The following JAK1 variants were observed in gnomAD, a reference collection of about 807,000 sequenced individuals.
The protein encoded by JAK1 is tyrosine-protein kinase JAK1.
Under a neutral mutation model 136.6 loss-of-function variants are expected in JAK1, and 16 were observed. The observed-to-expected ratio is 0.12, with a 90% confidence interval of 0.08 to 0.18. The LOEUF (loss-of-function observed/expected upper bound fraction) is 0.18. Ranked by LOEUF, JAK1 falls within the 10% of genes least tolerant of loss-of-function variation. JAK1 has a pLI of 1.00. For missense variants in JAK1, 859 were observed against 1,450.1 expected (o/e 0.59, Z 6.62); for synonymous variants, 492 against 519.5 (o/e 0.95, Z 0.72).
At chr1:64,966,596 C>G (rs945333302), upstream of JAK1, 1 of 148,436 alleles carries the variant, frequency 6.7e-6, no homozygotes, top group Non-Finnish European at 1.5e-5. Context: ...GGCCCCACCC[C>G]CGTGGCCGCC....
At chr1:64,934,215 G>A (rs1019543296) in intron 1 of JAK1, among the ~76,000 whole-genome samples, 3 of 152,232 alleles carry the variant, frequency 2.0e-5, no homozygotes, top group African/African-American at 7.2e-5. Context: ...AATCCCAGGA[G>A]ACATCTCTCA....
At chr1:64,953,206 T>A (rs1477196347) in intron 1 of JAK1, among the ~76,000 whole-genome samples, 1 of 152,224 alleles carries the variant, frequency 6.6e-6, no homozygotes. Flanking sequence ...GTATTTGGGG[T>A]AGCAGTGGGT....
chr1:65,019,178 T>C (rs759769947), intron 2 of JAK1, among the ~76,000 whole-genome samples: 2 of 152,122 alleles, frequency 1.3e-5, no homozygotes, highest in Non-Finnish European at 2.9e-5. Context: ...AGTATTTTAA[T>C]ATTACATAAA....
At position 64,842,891 on chromosome 1, in the gene JAK1, T is replaced by A. The variant is rs1325585177; in HGVS notation, c.2403+1173A>T. 7.2e-5 allele frequency among the ~76,000 whole-genome samples: 11 copies of A among 152,120 alleles called. No individual in the cohort carries two copies. The East Asian group carries it at 1.9e-3, about 27-fold the overall frequency. ...ATCATTAACTGGCAAGTCATAAAGG[T>A]TCTACCTCTTCAATATCTCCCACCC... On this transcript the variant is annotated intron_variant, in intron 17 of 24. Coordinates refer to ENST00000342505, the MANE Select transcript of JAK1 (RefSeq NM_002227.4).
intron 1 of JAK1, among the ~76,000 whole-genome samples, chr1:64,915,591 G>A (rs12058455): frequency 2.6e-4 from 40 of 152,192 alleles, no homozygotes; most frequent in African/African-American, 8.9e-4. Context: ...TAATGGAAAC[G>A]TTTTGTATCT....
At chr1:64,949,431 T>C in intron 1 of JAK1, among the ~76,000 whole-genome samples, 1 of 152,178 alleles carries the variant, frequency 6.6e-6, no homozygotes. Flanking sequence ...TGACATAAAG[T>C]TTGTTTCCTT....
At position 64,959,958 on chromosome 1, in the gene JAK1, G is replaced by T. The variant is rs1646252868; in HGVS notation, c.-78+6375C>A. Among the ~76,000 whole-genome samples the T allele has an allele frequency of 1.3e-5, 2 of 152,146 alleles. 1 individual carries two copies. The highest frequency in any genetic ancestry group is 4.1e-4 in the South Asian group (2 of 4,826). ...TAAAATAAAATAAGCCAGGCATGGT[G>T]GTTCATGCCTATTATCCCAAAACTT... On this transcript the variant is annotated intron_variant, in intron 1 of 24. Transcript: ENST00000342505.
At position 64,847,655 on chromosome 1, in the gene JAK1, G is replaced by A. The variant is rs751142830; in HGVS notation, c.1776C>T (p.Gly592=). ...DLVQGEHLGR[G]TRTHIYSGTL... ...TCCCAGAATAGATGTGTGTTCTCGT[G>A]CCTCTCCCAAGGTGCTCGCCCTGAG... The change falls in exon 13 of 25, where the codon GGC becomes GGT. Residue 592 remains glycine (G), a synonymous_variant. Transcript: ENST00000342505. 6.2e-7 allele frequency: 1 copy of A among 1,614,098 alleles called. No individual in the cohort carries two copies. The highest frequency in any genetic ancestry group is 8.5e-7 in the Non-Finnish European group (1 of 1,179,986).
intron 17 of JAK1, among the ~76,000 whole-genome samples, chr1:64,843,693 C>T (rs2780894): frequency 0.15 from 22,448 of 151,984 alleles, 2,316 homozygotes; most frequent in African/African-American, 0.28. Flanking sequence ...AGCTTGATGC[C>T]TGATACACAA....
At chr1:65,063,215 A>G (rs1319844867) in intron 1 of JAK1, among the ~76,000 whole-genome samples, 1 of 152,224 alleles carries the variant, frequency 6.6e-6, no homozygotes, top group Non-Finnish European at 1.5e-5. Context: ...GAGTAGAATC[A>G]CTAAAATGCC....
rs1268623983 is a variant in JAK1, at chr1:64,833,551, C to T, written c.*1011G>A. The T allele has an allele frequency of 4.3e-6, 1 of 232,900 alleles. No homozygotes were observed. Among genetic ancestry groups the T allele is most frequent in the Non-Finnish European group, 8.5e-6 (1 of 117,872 alleles). 14.4% of individuals were successfully genotyped at this position (232,900 alleles called of 1,614,324 possible). A position where few individuals can be genotyped will look rare whatever the true frequency, so the allele number is the denominator to read the frequency against. ...AAAACTGTCTAGTGGATCCTGAAGT[C>T]CATAGTGCCTCTAGCCGGGTCTTTC... On this transcript the variant is annotated 3_prime_UTR_variant, in exon 25 of 25. Coordinates refer to ENST00000342505, the MANE Select transcript of JAK1 (RefSeq NM_002227.4).
At chr1:64,882,029 T>G (rs2101248791) in intron 3 of JAK1, among the ~76,000 whole-genome samples, 1 of 152,362 alleles carries the variant, frequency 6.6e-6, no homozygotes, top group South Asian at 2.1e-4. Flanking sequence ...TGTCTAAAGA[T>G]GGTTATTTGT....
intron 1 of JAK1, among the ~76,000 whole-genome samples, chr1:64,965,523 C>A (rs1646356895): frequency 6.6e-6 from 1 of 152,136 alleles, no homozygotes; most frequent in African/African-American, 2.4e-5. Context: ...TGGGGAGTGA[C>A]TTTGGAGGAG....
chr1:64,988,532 ACT>A (rs374894200), intron 2 of JAK1, among the ~76,000 whole-genome samples: 40 of 152,172 alleles, frequency 2.6e-4, no homozygotes, highest in Admixed American at 1.8e-3. Context: ...ACTTCTTCAG[ACT>A]CTGGAAAAAA....
intron 1 of JAK1, among the ~76,000 whole-genome samples, chr1:64,894,011 C>T (rs1570722181): frequency 6.6e-6 from 1 of 152,220 alleles, no homozygotes; most frequent in Non-Finnish European, 1.5e-5. Flanking sequence ...ATCTAACATG[C>T]TTCCTATATC....
intron 2 of JAK1, among the ~76,000 whole-genome samples, chr1:64,980,070 A>G (rs1646530470): frequency 6.6e-6 from 1 of 152,212 alleles, no homozygotes; most frequent in Non-Finnish European, 1.5e-5. Context: ...AGCATCTACT[A>G]TACGTCAGAC....
At position 64,838,607 on chromosome 1, in the gene JAK1, C is replaced by A; in HGVS notation, c.2843-18G>T. The A allele has an allele frequency of 6.2e-7, 1 of 1,611,604 alleles. No individual in the cohort carries two copies. Among genetic ancestry groups the A allele is most frequent in the Non-Finnish European group, 8.5e-7 (1 of 1,179,772 alleles). Reference sequence around the variant, plus strand: ...ATTTCCTCCTGTTTAGAAAAAACATCCATCAGTCTGAGGCTGCCAAATGAG... The same window carrying A: ...ATTTCCTCCTGTTTAGAAAAAACATACATCAGTCTGAGGCTGCCAAATGAG... On this transcript the variant is annotated intron_variant, in intron 20 of 24. Coordinates refer to ENST00000342505, the MANE Select transcript of JAK1 (RefSeq NM_002227.4).
intron 1 of JAK1, among the ~76,000 whole-genome samples, chr1:64,900,809 A>G (rs1246217313): frequency 6.6e-6 from 1 of 152,166 alleles, no homozygotes; most frequent in African/African-American, 2.4e-5. Flanking sequence ...GCTACTTGTA[A>G]TCAACTTCTC....
chr1:64,914,458 T>C (rs1005565345), intron 1 of JAK1, among the ~76,000 whole-genome samples: 5 of 152,154 alleles, frequency 3.3e-5, no homozygotes, highest in African/African-American at 1.2e-4. Context: ...AACAACGAAA[T>C]AAACAGCTGA....
Sources: allele counts gnomAD v4.1 joint callset (sites outside exome capture counted in the v4.1 genomes callset), GRCh38; gene constraint gnomAD v4.1.1; transcripts MANE v1.5; gene names NCBI Gene and HGNC (gene_info 2026-07-23, HGNC 2026-07-21).